Variants in CFTR observed in about 807,000 individuals in gnomAD.
CFTR encodes CF transmembrane conductance regulator, also known as cystic fibrosis transmembrane conductance regulator.
In CFTR, 181 loss-of-function variants were observed where a neutral mutation model predicts 171.6. That is an observed-to-expected ratio of 1.05 (90% CI 0.93 to 1.19). CFTR has a LOEUF of 1.19. Among genes scored for constraint, CFTR ranks in the 50% most tolerant of loss-of-function variants. The probability of loss-of-function intolerance (pLI) is 0.00; values close to 1 mark genes in which losing one functional copy is unlikely to be tolerated. For synonymous variants in CFTR, 583 were observed against 608.0 expected (o/e 0.96, Z 0.60); for missense variants, 1,968 against 1,734.7 (o/e 1.13, Z -2.39).
chr7:117,578,367 C>A lies in CFTR; in HGVS notation c.1585-9372C>A, dbSNP rs1161477454. ...CCCATGGTTTTCTTAATAACATTTT[C>A]TTTTCTCTAGCTTGCTTTATTGTAA... On this transcript the variant is annotated intron_variant, in intron 11 of 26. Coordinates refer to ENST00000003084, the MANE Select transcript of CFTR (RefSeq NM_000492.4). Among the ~76,000 whole-genome samples, 6 of 152,022 alleles carry A rather than the reference C, an allele frequency of 3.9e-5. No homozygotes were observed. The highest frequency in any genetic ancestry group is 6.6e-5 in the Admixed American group (1 of 15,246).
Position 117,592,413 on chromosome 7 carries a change from T to A in CFTR, c.2246T>A (p.Leu749Gln). The change falls in exon 14 of 27, where the codon CTG becomes CAG. Residue 749 changes from leucine (L) to glutamine (Q), a missense_variant. Coordinates refer to ENST00000003084, the MANE Select transcript of CFTR (RefSeq NM_000492.4). Reference protein sequence around the residue: ...VPDSEQGEAILPRISVISTGP... With the variant: ...VPDSEQGEAIQPRISVISTGP... ...GATTCTGAGCAGGGAGAGGCGATAC[T>A]GCCTCGCATCAGCGTGATCAGCACT... The A allele has an allele frequency of 6.2e-7, 1 of 1,613,466 alleles. No homozygotes were observed. Among genetic ancestry groups the A allele is most frequent in the Non-Finnish European group, 8.5e-7 (1 of 1,179,668 alleles).
intron 8 of CFTR, 75 bp downstream of exon 8, chr7:117,540,421 C>A: frequency 7.2e-7 from 1 of 1,384,444 alleles, no homozygotes; most frequent in Non-Finnish European, 9.9e-7. Context: ...ATGAACTTTG[C>A]AAAAATGTGC....
intron 1 of CFTR, among the ~76,000 whole-genome samples, chr7:117,485,743 C>T (rs1316782089): frequency 1.3e-5 from 2 of 152,070 alleles, no homozygotes; most frequent in East Asian, 1.9e-4. Flanking sequence ...GGCTTGTCAA[C>T]TTTGCTATTT....
rs761221420 is a variant in CFTR at position 117,610,646 on chromosome 7, A to G, written c.3116A>G (p.Gln1039Arg). The G allele has an allele frequency of 6.2e-7, 1 of 1,613,598 alleles. No individual in the cohort carries two copies. Among genetic ancestry groups the G allele is most frequent in the South Asian group, 1.1e-5 (1 of 91,074 alleles). ...LRAYFLQTSQ[Q>R]LKQLESEGRS... ...GCATATTTCCTCCAAACCTCACAGC[A>G]ACTCAAACAACTGGAATCTGAAGGT... The change falls in exon 19 of 27, where the codon CAA becomes CGA. Residue 1039 changes from glutamine (Q) to arginine (R), a missense_variant. Gln to Arg is a conservative substitution (Grantham distance 43). Coordinates refer to ENST00000003084, the MANE Select transcript of CFTR (RefSeq NM_000492.4).
intron 14 of CFTR, among the ~76,000 whole-genome samples, chr7:117,593,919 T>C (rs1792078649): frequency 6.6e-6 from 1 of 152,152 alleles, no homozygotes. Context: ...AGCCCATCTA[T>C]ATAGTTTAAT....
At chr7:117,493,566 T>G (rs1439686892) in intron 1 of CFTR, among the ~76,000 whole-genome samples, 1 of 152,052 alleles carries the variant, frequency 6.6e-6, no homozygotes, top group Non-Finnish European at 1.5e-5. Context: ...GCTTTGCTAT[T>G]GATCTCCCTC....
intron 11 of CFTR, among the ~76,000 whole-genome samples, chr7:117,582,729 A>G (rs1398060895): frequency 5.3e-5 from 8 of 152,204 alleles, no homozygotes; most frequent in African/African-American, 1.9e-4. Context: ...ATTGAAATGG[A>G]CAGAGTAACA....
chr7:117,566,532 TTTCTCCTGATAGGTAATTAAGC>T (rs1791605123), intron 11 of CFTR, among the ~76,000 whole-genome samples: 2 of 152,038 alleles, frequency 1.3e-5, no homozygotes, highest in Non-Finnish European at 2.9e-5. Context: ...TACCTGTAAT[TTTCTCCTGATAGGTAATTAAGC>T]TTCAAAGTAC....
At chr7:117,570,514 T>C (rs974255517) in intron 11 of CFTR, among the ~76,000 whole-genome samples, 1 of 152,200 alleles carries the variant, frequency 6.6e-6, no homozygotes, top group African/African-American at 2.4e-5. Context: ...ATGAAAATGT[T>C]GTGGTTAGAA....
intron 22 of CFTR, among the ~76,000 whole-genome samples, chr7:117,641,227 T>A (rs1792906059): frequency 6.6e-6 from 1 of 152,166 alleles, no homozygotes; most frequent in African/African-American, 2.4e-5. Flanking sequence ...TTGCAAATAG[T>A]GTTCAATAAA....
At chr7:117,519,002 T>G (rs1188194118) in intron 3 of CFTR, among the ~76,000 whole-genome samples, 1 of 152,152 alleles carries the variant, frequency 6.6e-6, no homozygotes, top group Non-Finnish European at 1.5e-5. Context: ...TCCAGGGGCT[T>G]TTTCTTATAA....
chr7:117,598,007 C>T (rs1004172357), intron 15 of CFTR, among the ~76,000 whole-genome samples: 14 of 152,236 alleles, frequency 9.2e-5, no homozygotes, highest in Admixed American at 3.3e-4. Context: ...GAATGGAGAG[C>T]ATTTGTTCTT....
intron 3 of CFTR, among the ~76,000 whole-genome samples, chr7:117,515,250 C>G (rs553715705): frequency 3.3e-5 from 5 of 152,168 alleles, no homozygotes; most frequent in Admixed American, 1.3e-4. Context: ...AATGGTATTG[C>G]GTAGGTTTTC....
chr7:117,642,435 T>C lies in CFTR; in HGVS notation c.3718-3T>C, dbSNP rs397508596. The C allele has an allele frequency of 1.9e-6, 3 of 1,613,252 alleles. No homozygotes were observed. In the Admixed American group the frequency reaches 5.0e-5, roughly 27 times the overall value. On this transcript the variant is annotated splice_region_variant and splice_polypyrimidine_tract_variant and intron_variant, in intron 22 of 26. Coordinates refer to ENST00000003084, the MANE Select transcript of CFTR (RefSeq NM_000492.4). ...AAGTGATCCCATCACTTTTACCTTA[T>C]AGGTGGGCCTCTTGGGAAGAACTGG...
intron 1 of CFTR, among the ~76,000 whole-genome samples, chr7:117,480,437 T>A (rs1486405319): frequency 6.6e-6 from 1 of 152,190 alleles, no homozygotes; most frequent in Non-Finnish European, 1.5e-5. Flanking sequence ...TTCATTTTTC[T>A]AAGAAACTAA....
chr7:117,638,777 A>AT (rs1436529292), intron 22 of CFTR, among the ~76,000 whole-genome samples: 104 of 150,398 alleles, frequency 6.9e-4, no homozygotes, highest in African/African-American at 2.5e-3. Flanking sequence ...AATAAAAATA[A>AT]AAAAATAAAA....
intron 24 of CFTR, among the ~76,000 whole-genome samples, chr7:117,661,331 T>A (rs909300329): frequency 6.6e-6 from 1 of 152,238 alleles, no homozygotes; most frequent in Non-Finnish European, 1.5e-5. Flanking sequence ...ATTTTAAAAA[T>A]TCTGTTCTCT....
chr7:117,535,277 C>T lies in CFTR; in HGVS notation c.609C>T (p.Ile203=), dbSNP rs1800081. The T allele has an allele frequency of 6.2e-6, 10 of 1,613,998 alleles. 1 individual carries two copies. The highest frequency in any genetic ancestry group is 2.2e-5 in the South Asian group (2 of 91,072). ...TTGCATTGGCACATTTCGTGTGGATCGCTCCTTTGCAAGTGGCACTCCTCA... is the reference window on the plus strand; with the variant it reads ...TTGCATTGGCACATTTCGTGTGGATTGCTCCTTTGCAAGTGGCACTCCTCA... The part of the protein sequence containing the change: ...EGLALAHFVW[I]APLQVALLMG... Residue 203 remains isoleucine (I), a synonymous_variant, in exon 6 of 27, where the codon ATC becomes ATT. Coordinates refer to ENST00000003084, the MANE Select transcript of CFTR (RefSeq NM_000492.4).
intron 3 of CFTR, among the ~76,000 whole-genome samples, chr7:117,514,682 G>T (rs1054947717): frequency 6.6e-6 from 1 of 152,128 alleles, no homozygotes; most frequent in African/African-American, 2.4e-5. Context: ...CCAGTAATGA[G>T]ATTGCTGGGT....
Sources: allele counts gnomAD v4.1 joint callset (sites outside exome capture counted in the v4.1 genomes callset), GRCh38; gene constraint gnomAD v4.1.1; transcripts MANE v1.5; gene names NCBI Gene and HGNC (gene_info 2026-07-23, HGNC 2026-07-21).